LRP2: variants seen among roughly 807,000 people sequenced by gnomAD.
The protein encoded by LRP2 is low-density lipoprotein receptor-related protein 2.
In LRP2, 172 loss-of-function variants were observed where a neutral mutation model predicts 531.0. The ratio of observed to expected loss-of-function variants is 0.32; its 90% CI spans 0.29 to 0.37. The LOEUF (loss-of-function observed/expected upper bound fraction) is 0.37, where lower values mean the gene tolerates loss of function less well. Among genes scored for constraint, LRP2 ranks in the 10% least tolerant of loss-of-function variants. The pLI, the probability that LRP2 is intolerant of heterozygous loss-of-function variation, is 1.00. For synonymous variants in LRP2, 1,992 were observed against 2,027.6 expected, an observed-to-expected ratio of 0.98 and a Z score of 0.47; for missense variants, 5,167 against 5,868.3, an observed-to-expected ratio of 0.88 and a Z score of 3.90.
At chr2:169,300,304 T>A (rs1272697723) in intron 4 of LRP2, among the ~76,000 whole-genome samples, 1 of 151,864 alleles carries the variant, frequency 6.6e-6, no homozygotes, top group Non-Finnish European at 1.5e-5. Context: ...AGAGTAACTG[T>A]GGGGAGTAGC....
intron 14 of LRP2, 31 bp downstream of exon 14, chr2:169,275,005 C>G (rs952487524): frequency 1.9e-6 from 3 of 1,605,508 alleles, no homozygotes; most frequent in Middle Eastern, 1.7e-4. Context: ...AGTCCGGTAC[C>G]AAGCATGGTT....
rs571834298 is a variant in LRP2 at position 169,218,793 on chromosome 2, A to G, written c.5648+1661T>C. Among the ~76,000 whole-genome samples the G allele has an allele frequency of 2.6e-5, 4 of 152,140 alleles. No homozygotes were observed. In the South Asian group the frequency reaches 6.2e-4, roughly 24 times the overall value. On this transcript the variant is annotated intron_variant, in intron 34 of 78. Transcript: ENST00000649046. ...CAAATTTCTGAACGTTCTTTCCTTT[A>G]CTGCTCGAAAGATCTTGATACTCAG... is the stretch of plus-strand genomic sequence containing the variant.
At chr2:169,173,793 G>A (rs1687086262) in intron 56 of LRP2, 126 bp downstream of exon 56, 2 of 1,317,408 alleles carry the variant, frequency 1.5e-6, no homozygotes, top group South Asian at 2.4e-5. Flanking sequence ...AGAGTTTGCA[G>A]GGAGTGCCAA....
intron 1 of LRP2, among the ~76,000 whole-genome samples, chr2:169,330,690 C>A (rs1488414746): frequency 6.6e-6 from 1 of 152,120 alleles, no homozygotes; most frequent in Non-Finnish European, 1.5e-5. Flanking sequence ...CTGTGGAACA[C>A]CAGTAGTGCT....
At position 169,362,392 on chromosome 2, in the gene LRP2, C is replaced by T. The variant is rs1172501525; in HGVS notation, c.8G>A (p.Arg3His). The part of the protein sequence containing the change: MD[R>H]GPAAVACTLL... ...CGTGCACGCCACTGCTGCCGGCCCG[C>T]GATCCATCTCCGCGACGGTCCCCGG... is the stretch of plus-strand genomic sequence containing the variant. Residue 3 changes from arginine to histidine, a missense_variant, in exon 1 of 79, where the codon CGC becomes CAC. Around this residue, in one of 6 missense-constraint regions of LRP2, gnomAD observed 2,811 missense variants for 3,058.0 expected, o/e 0.92. Transcript: ENST00000649046. 4 of 1,563,642 alleles carry T rather than the reference C, an allele frequency of 2.6e-6. No homozygotes were observed. Among genetic ancestry groups the T allele is most frequent in the Non-Finnish European group, 3.5e-6 (4 of 1,156,594 alleles).
At chr2:169,201,314 T>C (rs1688195322) in intron 44 of LRP2, among the ~76,000 whole-genome samples, 1 of 152,188 alleles carries the variant, frequency 6.6e-6, no homozygotes, top group Non-Finnish European at 1.5e-5. Flanking sequence ...GAACATGGAC[T>C]AGGTACTCAG....
At position 169,228,640 on chromosome 2, in the gene LRP2, G is replaced by A. The variant is rs542335021; in HGVS notation, c.5228-2052C>T. On this transcript the variant is annotated intron_variant, in intron 31 of 78. Coordinates refer to ENST00000649046, the MANE Select transcript of LRP2 (RefSeq NM_004525.3). ...GGTGCTCTTCCCTTAAGCACCACCC[G>A]CTTCTACTGCTTCCTGGGGATCATG... Among the ~76,000 whole-genome samples the A allele has an allele frequency of 9.9e-5, 15 of 152,212 alleles. No individual in the cohort carries two copies. In the South Asian group the frequency reaches 1.0e-3, roughly 11 times the overall value.
In LRP2 at chr2:169,236,087, T is replaced by C. The variant is rs1159452794; in HGVS notation, c.4692-19A>G. 12 of 1,566,040 alleles carry C rather than the reference T, an allele frequency of 7.7e-6. No individual in the cohort carries two copies. In the South Asian group the frequency reaches 1.3e-4, roughly 18 times the overall value. On this transcript the variant is annotated intron_variant, in intron 28 of 78. Transcript: ENST00000649046. The stretch of plus-strand genomic sequence containing the variant: ...ATGCTCACTGGGAAAGGAAATGAGT[T>C]ACCAATTGGAGGGGACGTATTTAAA...
chr2:169,286,010 T>C (rs1683847122), intron 9 of LRP2, among the ~76,000 whole-genome samples: 1 of 152,204 alleles, frequency 6.6e-6, no homozygotes, highest in Admixed American at 6.5e-5. Flanking sequence ...AATGAAATGC[T>C]TGAGAGAGCA....
At chr2:169,243,651 CAG>C in intron 22 of LRP2, 129 bp from the exon 23 acceptor site, 1 of 1,053,326 alleles carries the variant, frequency 9.5e-7, no homozygotes, top group South Asian at 1.3e-5. Flanking sequence ...TCTTTTGAAT[CAG>C]CCACACTATC....
At chr2:169,174,266 T>C (rs1687106863) in intron 55 of LRP2, 102 bp from the exon 56 acceptor site, 2 of 1,429,156 alleles carry the variant, frequency 1.4e-6, no homozygotes, top group African/African-American at 2.8e-5. Flanking sequence ...GATTTCTTTT[T>C]AGAGGACTTA....
At chr2:169,309,173 T>G (rs996986145) in intron 3 of LRP2, among the ~76,000 whole-genome samples, 43 of 152,222 alleles carry the variant, frequency 2.8e-4, no homozygotes, top group Non-Finnish European at 5.6e-4. Context: ...TTCTATAGGT[T>G]GCCTGTTCAC....
At chr2:169,338,347 GGAAAGAAAGAAGGAAAGAAAGAAAGAAA>G (rs1685465659) in intron 1 of LRP2, among the ~76,000 whole-genome samples, 3 of 109,898 alleles carry the variant, frequency 2.7e-5, no homozygotes, top group African/African-American at 1.0e-4. Flanking sequence ...AAAGAAAGAA[GGAAAGAAAGAAGGAAAGAAAGAAAGAAA>G]GAAAGAAAGA....
At chr2:169,140,973 T>C (rs1393340603) in intron 71 of LRP2, among the ~76,000 whole-genome samples, 1 of 152,138 alleles carries the variant, frequency 6.6e-6, no homozygotes. Context: ...AATTGATCAG[T>C]CCACAGGCAG....
At chr2:169,346,166 G>A (rs962389404) in intron 1 of LRP2, among the ~76,000 whole-genome samples, 6 of 152,182 alleles carry the variant, frequency 3.9e-5, no homozygotes, top group Non-Finnish European at 7.3e-5. Flanking sequence ...ACAGGGAAAC[G>A]AAAGTGTTCA....
intron 1 of LRP2, among the ~76,000 whole-genome samples, chr2:169,342,614 A>T (rs75277497): frequency 2.8e-4 from 43 of 152,320 alleles, no homozygotes; most frequent in Non-Finnish European, 4.6e-4. Context: ...TTCAAGACTC[A>T]GTTCAAATGG....
chr2:169,344,442 T>A (rs1423203412), intron 1 of LRP2, among the ~76,000 whole-genome samples: 1 of 152,224 alleles, frequency 6.6e-6, no homozygotes. Context: ...TAAAGTTATG[T>A]AAGCAGGGAA....
intron 20 of LRP2, 88 bp from the exon 21 acceptor site, chr2:169,247,074 A>C: frequency 6.8e-7 from 1 of 1,476,284 alleles, no homozygotes; most frequent in South Asian, 1.2e-5. Flanking sequence ...AACAAACAGG[A>C]CAAAACATTT....
At position 169,206,400 on chromosome 2, in the gene LRP2, G is replaced by A; in HGVS notation, c.7320C>T (p.Ala2440=). The change falls in exon 39 of 79, where the codon GCC becomes GCT. Residue 2440 remains alanine (A), a synonymous_variant. Coordinates refer to ENST00000649046, the MANE Select transcript of LRP2 (RefSeq NM_004525.3). ...CATAGGAAATCTGTCCAACTCCAGA[G>A]GCTAAATTTTGTGTGAAGTAGATTC... The part of the protein sequence containing the change: ...SDRIYFTQNL[A]SGVGQISYAT... 2 of 1,614,128 alleles carry A rather than the reference G, an allele frequency of 1.2e-6. No homozygotes were observed. The highest frequency in any genetic ancestry group is 2.2e-5 in the East Asian group (1 of 44,888).
Sources: gnomAD v4.1 joint callset for allele counts (sites outside exome capture counted in the v4.1 genomes callset) on GRCh38, gnomAD v4.1.1 for gene constraint, gnomAD v4.1.1 regional missense constraint, MANE v1.5 for transcripts, NCBI Gene and HGNC (gene_info 2026-07-23, HGNC 2026-07-21) for gene names.